The following RRAGD variants were observed in gnomAD, a reference collection of about 807,000 sequenced individuals.
RRAGD encodes ras-related GTP-binding protein D.
Under a neutral mutation model 35.5 loss-of-function variants are expected in RRAGD, and 12 were observed. That is an observed-to-expected ratio of 0.34 (90% CI 0.22 to 0.55). RRAGD has a LOEUF of 0.55. RRAGD is among the 20% of genes least tolerant of loss of function. The probability of loss-of-function intolerance (pLI) is 0.91; values close to 1 mark genes in which losing one functional copy is unlikely to be tolerated. For synonymous variants in RRAGD, 155 were observed against 178.9 expected, an observed-to-expected ratio of 0.87 and a Z score of 1.07; for missense variants, 324 against 490.1, an observed-to-expected ratio of 0.66 and a Z score of 3.20.
Position 89,411,861 on chromosome 6 carries a change from C to G in RRAGD, c.133G>C (p.Gly45Arg), listed in dbSNP as rs1007684265. The change falls in exon 1 of 7, where the codon GGC becomes CGC. Residue 45 changes from glycine to arginine, a missense_variant. Around this residue, in one of 5 missense-constraint regions of RRAGD, gnomAD observed 96 missense variants for 78.7 expected, o/e 1.22. Transcript: ENST00000369415. The surrounding 1 kb of genome is among the most constrained non-coding windows in gnomAD (Gnocchi z 5.6). ...PDSSDADPDS[G>R]TEEGVLDFSD... ...GGGCGCTCACCTCCCTCCTCTGTGC[C>G]GCTGTCCGGATCGGCGTCGGAGGAG... 104 of 1,551,982 alleles carry G rather than the reference C, an allele frequency of 6.7e-5. No individual in the cohort carries two copies. The highest frequency in any genetic ancestry group is 1.7e-4 in the Middle Eastern group (1 of 5,984).
rs575708470 is a variant in RRAGD, at chr6:89,396,072, C to T, written c.149-8482G>A. 4.0e-5 allele frequency among the ~76,000 whole-genome samples: 6 copies of T among 151,722 alleles called. No individual in the cohort carries two copies. In the South Asian group the frequency reaches 6.2e-4, roughly 16 times the overall value. ...CTAGGGTAAAATATTTATGACTTTG[C>T]GTTAGGCAAAAATTTCTTAGATATG... is the stretch of plus-strand genomic sequence containing the variant. On this transcript the variant is annotated intron_variant, in intron 1 of 6. Transcript: ENST00000369415.
chr6:89,412,089 G>T lies in RRAGD; in HGVS notation c.-96C>A. Reference sequence around the variant, plus strand: ...GCCCGCAGCCTATTTCTGAAGCGGAGGTTTGTCTAGAGCTCAGCGGGGCCC... The same window carrying T: ...GCCCGCAGCCTATTTCTGAAGCGGATGTTTGTCTAGAGCTCAGCGGGGCCC... On this transcript the variant is annotated 5_prime_UTR_variant, in exon 1 of 7. Transcript: ENST00000369415. This position sits in a 1 kb window ranked among gnomAD's most constrained non-coding sequence, Gnocchi z 4.2. 1 of 1,305,032 alleles carries T rather than the reference G, an allele frequency of 7.7e-7. No individual in the cohort carries two copies. 80.8% of individuals were successfully genotyped at this position (1,305,032 alleles called of 1,614,324 possible).
chr6:89,377,620 G>A, intron 5 of RRAGD, 51 bp downstream of exon 5: 1 of 1,469,476 alleles, frequency 6.8e-7, no homozygotes, highest in Non-Finnish European at 9.1e-7. Context: ...TGCCTGAAAG[G>A]TTATGAAGGA....
Position 89,412,246 on chromosome 6 carries a change from T to G in RRAGD, c.-253A>C. On this transcript the variant is annotated 5_prime_UTR_variant, in exon 1 of 7. Coordinates refer to ENST00000369415, the MANE Select transcript of RRAGD (RefSeq NM_021244.5). The surrounding 1 kb of genome is among the most constrained non-coding windows in gnomAD (Gnocchi z 4.2). ...GAGTCAGCCGGAGCGCGGCAGTTCC[T>G]CCCGGAGGAGGGAGAGAGAGAGAGA... The G allele has an allele frequency of 4.2e-6, 1 of 240,706 alleles. No homozygotes were observed. The allele number at this position is 240,706 out of a possible 1,614,324, so 14.9% of individuals were successfully genotyped here. A position where few individuals can be genotyped will look rare whatever the true frequency, so the allele number is the denominator to read the frequency against.
intron 2 of RRAGD, 56 bp downstream of exon 2, chr6:89,387,239 G>A (rs1266380060): frequency 6.5e-7 from 1 of 1,533,942 alleles, no homozygotes; most frequent in Non-Finnish European, 8.9e-7. Flanking sequence ...CAAAAACATG[G>A]GGTGGGGTGG....
chr6:89,401,034 A>G (rs1562464430), intron 1 of RRAGD, among the ~76,000 whole-genome samples: 1 of 152,176 alleles, frequency 6.6e-6, no homozygotes, highest in Non-Finnish European at 1.5e-5. Flanking sequence ...GAATACAGAC[A>G]TGACAAACTG....
rs755664936 is a variant in RRAGD, at chr6:89,368,091, C to T, written c.1168G>A (p.Ala390Thr). 3.1e-6 allele frequency: 5 copies of T among 1,613,894 alleles called. No individual in the cohort carries two copies. The highest frequency in any genetic ancestry group is 1.7e-5 in the Admixed American group (1 of 59,982). ...ACTCTAGGGGTCCCATTAGGGGTGG[C>T]TCTCTTTTTCTTCTGCAGCCGATTC... ...VQNRLQKKKRATPNGTPRVLL is the reference protein window; with the variant it reads ...VQNRLQKKKRTTPNGTPRVLL The change falls in exon 7 of 7, where the codon GCC (alanine) becomes ACC (threonine). Residue 390 changes from alanine to threonine, a missense_variant. This residue lies in a region of RRAGD where 68 missense variants were observed against 76.8 expected (regional missense o/e 0.89). Transcript: ENST00000369415.
chr6:89,405,429 G>A (rs1009176247), intron 1 of RRAGD, among the ~76,000 whole-genome samples: 1 of 151,418 alleles, frequency 6.6e-6, no homozygotes, highest in African/African-American at 2.4e-5. Flanking sequence ...AAAGTACTAG[G>A]TTAGTGTCAG....
At position 89,372,450 on chromosome 6, in the gene RRAGD, GC is replaced by G; in HGVS notation, c.1037del (p.Ser346ThrfsTer7). On this transcript the variant is annotated frameshift_variant, in exon 6 of 7. Coordinates refer to ENST00000369415, the MANE Select transcript of RRAGD (RefSeq NM_021244.5). LOFTEE classifies it high-confidence loss of function. ...LALVCFVREE[S>X]FERKGLIDYN... ...CCAAAAAGTTACCTTTTCTTTCAAA[GC>G]TTTCCTCTCTGACAAAGCAAACGAG... 6.2e-7 allele frequency: 1 copy of G among 1,613,130 alleles called. No homozygotes were observed. Among genetic ancestry groups the G allele is most frequent in the Middle Eastern group, 1.7e-4 (1 of 6,056 alleles).
At chr6:89,380,633 C>T (rs1438678650) in intron 2 of RRAGD, among the ~76,000 whole-genome samples, 6 of 152,126 alleles carry the variant, frequency 3.9e-5, no homozygotes, top group Admixed American at 1.3e-4. Flanking sequence ...GTTGGCTGGG[C>T]GTGGTGGCTC....
Position 89,372,510 on chromosome 6 carries a change from C to A in RRAGD, c.978G>T (p.Val326=). The change falls in exon 6 of 7, where the codon GTG becomes GTT. Residue 326 remains valine (V), a synonymous_variant. Coordinates refer to ENST00000369415, the MANE Select transcript of RRAGD (RefSeq NM_021244.5). ...TAIIKLNNTT[V]LYLKEVTKFL... is the part of the protein sequence containing the mutation. ...ACTTTGTCACCTCTTTTAAATAAAG[C>A]ACGGTTGTATTATTAAGCTTTATGA... 1 of 1,612,392 alleles carries A rather than the reference C, an allele frequency of 6.2e-7. No individual in the cohort carries two copies. Among genetic ancestry groups the A allele is most frequent in the Non-Finnish European group, 8.5e-7 (1 of 1,179,436 alleles).
intron 4 of RRAGD, 71 bp from the exon 5 acceptor site, chr6:89,377,884 T>G: frequency 9.1e-7 from 1 of 1,094,692 alleles, no homozygotes; most frequent in Non-Finnish European, 1.3e-6. Flanking sequence ...TACACAAAAT[T>G]GAATGCCATT....
chr6:89,364,930 GTTA>G lies in RRAGD; in HGVS notation c.*3123_*3125del, dbSNP rs915005388. On this transcript the variant is annotated 3_prime_UTR_variant, in exon 7 of 7. Coordinates refer to ENST00000369415, the MANE Select transcript of RRAGD (RefSeq NM_021244.5). ...TCTTGAAAGCAATGGCTTAACAATG[GTTA>G]TTAAGTGATGTACTGCTTAAAGTAA... 6.6e-6 allele frequency: 1 copy of G among 152,182 alleles called. No individual in the cohort carries two copies. The highest frequency in any genetic ancestry group is 2.4e-5 in the African/African-American group (1 of 41,446). The allele number at this position is 152,182 out of a possible 1,614,324, so 9.4% of individuals were successfully genotyped here.
chr6:89,376,991 AC>A (rs1416454176), intron 5 of RRAGD, among the ~76,000 whole-genome samples: 1 of 152,106 alleles, frequency 6.6e-6, no homozygotes, highest in Non-Finnish European at 1.5e-5. Context: ...TCCTCAGCCT[AC>A]TCAATGTGAA....
intron 1 of RRAGD, among the ~76,000 whole-genome samples, chr6:89,401,535 C>T (rs993027600): frequency 3.9e-5 from 6 of 152,106 alleles, no homozygotes; most frequent in African/African-American, 1.2e-4. Context: ...GGATAACATG[C>T]GTGAACCACC....
At chr6:89,394,499 GAAAT>G (rs1769295840) in intron 1 of RRAGD, among the ~76,000 whole-genome samples, 1 of 152,130 alleles carries the variant, frequency 6.6e-6, no homozygotes, top group Non-Finnish European at 1.5e-5. Flanking sequence ...ATCTGAGAGT[GAAAT>G]AAAGATATTT....
chr6:89,411,910 T>G lies in RRAGD; in HGVS notation c.84A>C (p.Leu28=), dbSNP rs1215495840. 1 of 1,545,786 alleles carries G rather than the reference T, an allele frequency of 6.5e-7. No homozygotes were observed. The highest frequency in any genetic ancestry group is 2.4e-5 in the East Asian group (1 of 41,142). Residue 28 remains leucine (L), a synonymous_variant, in exon 1 of 7, where the codon CTA becomes CTC. Transcript: ENST00000369415. This position sits in a 1 kb window ranked among gnomAD's most constrained non-coding sequence, Gnocchi z 5.6. ...AGTCGGGCCCGTCTCCGTAGTCCGCTAGCCCCACCAGCTCATCCTCCTCCT... is the reference window on the plus strand; with the variant it reads ...AGTCGGGCCCGTCTCCGTAGTCCGCGAGCCCCACCAGCTCATCCTCCTCCT... ...EEEEEDELVG[L]ADYGDGPDSS...
At position 89,411,827 on chromosome 6, in the gene RRAGD, G is replaced by A; in HGVS notation, c.148+19C>T. On this transcript the variant is annotated intron_variant, in intron 1 of 6. Transcript: ENST00000369415. The surrounding 1 kb of genome is among the most constrained non-coding windows in gnomAD (Gnocchi z 5.6). ...GAGGAAAGGGGCGCGAGCCGAGGACGCGGGGGCCGGGCGCTCACCTCCCTC... is the reference window on the plus strand; with the variant it reads ...GAGGAAAGGGGCGCGAGCCGAGGACACGGGGGCCGGGCGCTCACCTCCCTC... The A allele has an allele frequency of 6.5e-7, 1 of 1,543,752 alleles. No individual in the cohort carries two copies. Among genetic ancestry groups the A allele is most frequent in the Non-Finnish European group, 8.7e-7 (1 of 1,148,818 alleles).
At chr6:89,373,655 A>G (rs1007649760) in intron 5 of RRAGD, among the ~76,000 whole-genome samples, 1 of 152,022 alleles carries the variant, frequency 6.6e-6, no homozygotes, top group Non-Finnish European at 1.5e-5. Flanking sequence ...GGTCTATTTA[A>G]GAAAAGGTGT....
Sources: allele counts gnomAD v4.1 joint callset (sites outside exome capture counted in the v4.1 genomes callset), GRCh38; gene constraint gnomAD v4.1.1; regional missense constraint gnomAD v4.1.1; non-coding constraint Gnocchi (gnomAD v3.1); transcripts MANE v1.5; gene names NCBI Gene and HGNC (gene_info 2026-07-23, HGNC 2026-07-21).